PPARD: variants seen among roughly 807,000 people sequenced by gnomAD.
PPARD encodes the protein peroxisome proliferator activated receptor delta.
A neutral mutation model predicts 39.5 loss-of-function variants in PPARD; 6 were observed. The ratio of observed to expected loss-of-function variants is 0.15; its 90% CI spans 0.08 to 0.30. The LOEUF is 0.30. Ranked by LOEUF, PPARD falls within the 10% of genes least tolerant of loss-of-function variation. The pLI is 1.00. For synonymous variants in PPARD, 210 were observed against 231.3 expected (o/e 0.91, Z 0.83); for missense variants, 397 against 596.8 (o/e 0.67, Z 3.49).
At chr6:35,371,553 C>A (rs1028048661) in intron 2 of PPARD, among the ~76,000 whole-genome samples, 5 of 151,998 alleles carry the variant, frequency 3.3e-5, no homozygotes, top group African/African-American at 1.2e-4. Context: ...ATCCGTCATT[C>A]TCTCAGTTTC....
intron 1 of PPARD, among the ~76,000 whole-genome samples, chr6:35,346,847 T>C (rs1177447532): frequency 6.6e-6 from 1 of 152,244 alleles, no homozygotes; most frequent in Non-Finnish European, 1.5e-5. Context: ...AAAGCCAGTG[T>C]CTGCTTACTT....
intron 2 of PPARD, among the ~76,000 whole-genome samples, chr6:35,395,782 T>C (rs985889060): frequency 2.6e-5 from 4 of 152,196 alleles, no homozygotes; most frequent in African/African-American, 7.2e-5. Flanking sequence ...GAGCTCCTGC[T>C]CTGATGGCTT....
At chr6:35,373,334 G>A (rs569073002) in intron 2 of PPARD, among the ~76,000 whole-genome samples, 1 of 152,300 alleles carries the variant, frequency 6.6e-6, no homozygotes, top group South Asian at 2.1e-4. Context: ...ACACATGCCT[G>A]ACTCTTTGTA....
At chr6:35,413,297 C>G (rs374757743) in intron 3 of PPARD, among the ~76,000 whole-genome samples, 1 of 152,200 alleles carries the variant, frequency 6.6e-6, no homozygotes, top group Non-Finnish European at 1.5e-5. Context: ...GAGGTTGCCT[C>G]ACCAGTCACA....
At chr6:35,344,951 G>A (rs182248639) in intron 1 of PPARD, among the ~76,000 whole-genome samples, 10 of 152,304 alleles carry the variant, frequency 6.6e-5, no homozygotes, top group African/African-American at 2.4e-4. Flanking sequence ...TCTCTCCAGG[G>A]TTTTAGTGGA....
At chr6:35,382,690 T>C (rs780131863) in intron 2 of PPARD, among the ~76,000 whole-genome samples, 5 of 152,092 alleles carry the variant, frequency 3.3e-5, no homozygotes, top group Non-Finnish European at 7.4e-5. Context: ...CCTAAGGAGT[T>C]TGAAAGTGTC....
Position 35,366,686 on chromosome 6 carries a change from A to C in PPARD, c.-102+19536A>C, listed in dbSNP as rs532947234. On this transcript the variant is annotated intron_variant, in intron 2 of 7. Transcript: ENST00000360694. This position sits in a 1 kb window ranked among gnomAD's most constrained non-coding sequence, Gnocchi z 4.6. ...TGCCTCAGCCTCCTTAGTGGCTGTG[A>C]CTACAGGCGTGTACCACCATGCCTG... is the stretch of plus-strand genomic sequence containing the variant. 6.6e-6 allele frequency among the ~76,000 whole-genome samples: 1 copy of C among 152,030 alleles called. No homozygotes were observed. The highest frequency in any genetic ancestry group is 1.9e-4 in the East Asian group (1 of 5,162).
At chr6:35,416,669 G>A (rs1422742335) in intron 3 of PPARD, among the ~76,000 whole-genome samples, 1 of 152,198 alleles carries the variant, frequency 6.6e-6, no homozygotes, top group East Asian at 1.9e-4. Flanking sequence ...AGGACATCAT[G>A]ATGCGGGGGA....
chr6:35,355,592 CTTCTTCTTTTTTTTTTTTTTTT>C (rs1381740905), intron 2 of PPARD, among the ~76,000 whole-genome samples: 7 of 49,366 alleles, frequency 1.4e-4, no homozygotes, highest in African/African-American at 7.5e-4. Context: ...CTTTCTTCTT[CTTCTTCTTTTTTTTTTTTTTTT>C]TTTTTTTTTT....
chr6:35,391,857 G>A (rs543017505), intron 2 of PPARD, among the ~76,000 whole-genome samples: 1 of 152,128 alleles, frequency 6.6e-6, no homozygotes, highest in South Asian at 2.1e-4. Context: ...AAGCTACTCA[G>A]CTAGTGAGTG....
intron 2 of PPARD, among the ~76,000 whole-genome samples, chr6:35,398,338 C>T (rs1764476480): frequency 6.6e-6 from 1 of 151,974 alleles, no homozygotes; most frequent in Admixed American, 6.6e-5. Context: ...AATTAGATTC[C>T]GTATATTTAT....
At chr6:35,406,843 C>T (rs916403492) in intron 2 of PPARD, among the ~76,000 whole-genome samples, 4 of 152,214 alleles carry the variant, frequency 2.6e-5, no homozygotes, top group African/African-American at 9.6e-5. Flanking sequence ...CTGAGTAACA[C>T]GGCCCAGTGC....
intron 2 of PPARD, among the ~76,000 whole-genome samples, chr6:35,374,899 C>A (rs1255479156): frequency 6.6e-6 from 1 of 152,080 alleles, no homozygotes; most frequent in Non-Finnish European, 1.5e-5. Flanking sequence ...CTTTATTCTC[C>A]TCAGCCTCTT....
chr6:35,408,755 G>A (rs1269038973), intron 2 of PPARD, among the ~76,000 whole-genome samples: 1 of 152,148 alleles, frequency 6.6e-6, no homozygotes, highest in Non-Finnish European at 1.5e-5. Context: ...AATTTTTAAA[G>A]GTTTTTTCGT....
At chr6:35,371,361 T>A (rs914172228) in intron 2 of PPARD, among the ~76,000 whole-genome samples, 4 of 152,050 alleles carry the variant, frequency 2.6e-5, no homozygotes, top group Non-Finnish European at 4.4e-5. Flanking sequence ...CCCTCTCTCC[T>A]CTCCCTCCAC....
At chr6:35,408,061 A>G (rs1017925458) in intron 2 of PPARD, among the ~76,000 whole-genome samples, 1 of 152,192 alleles carries the variant, frequency 6.6e-6, no homozygotes. Flanking sequence ...GGGTGGGTCC[A>G]GCAGCTTTGG....
chr6:35,350,728 C>T (rs1397551475), intron 2 of PPARD, among the ~76,000 whole-genome samples: 1 of 147,722 alleles, frequency 6.8e-6, no homozygotes, highest in Non-Finnish European at 1.5e-5. Context: ...CGTGTTCGAG[C>T]AGTTCTCCTG....
intron 2 of PPARD, among the ~76,000 whole-genome samples, chr6:35,386,896 C>G (rs1175462831): frequency 2.0e-5 from 3 of 151,960 alleles, no homozygotes; most frequent in Non-Finnish European, 2.9e-5. Context: ...TAGCAGCACC[C>G]TGGAGGTCTT....
At chr6:35,386,711 A>G (rs1174324643) in intron 2 of PPARD, among the ~76,000 whole-genome samples, 2 of 152,182 alleles carry the variant, frequency 1.3e-5, no homozygotes, top group South Asian at 2.1e-4. Flanking sequence ...TGAACTCCTC[A>G]AGGTGAAGAG....
Sources: gnomAD v4.1 joint callset for allele counts (sites outside exome capture counted in the v4.1 genomes callset) on GRCh38, gnomAD v4.1.1 for gene constraint, Gnocchi (gnomAD v3.1) non-coding constraint, MANE v1.5 for transcripts, NCBI Gene and HGNC (gene_info 2026-07-23, HGNC 2026-07-21) for gene names.